TTC12: variants seen among roughly 807,000 people sequenced by gnomAD.
TTC12 encodes tetratricopeptide repeat domain 12.
In TTC12, 70 loss-of-function variants were observed where a neutral mutation model predicts 90.1. That is an observed-to-expected ratio of 0.78 (90% CI 0.64 to 0.95). The LOEUF is 0.95. Among genes scored for constraint, TTC12 ranks in the 40% least tolerant of loss-of-function variants. The pLI, the probability that TTC12 is intolerant of heterozygous loss-of-function variation, is 0.00. For missense variants in TTC12, 819 were observed against 846.1 expected, an observed-to-expected ratio of 0.97 and a Z score of 0.40; for synonymous variants, 296 against 311.5, an observed-to-expected ratio of 0.95 and a Z score of 0.53.
At position 113,352,212 on chromosome 11, in the gene TTC12, G is replaced by A; in HGVS notation, c.1446+5G>A. On this transcript the variant is annotated splice_donor_5th_base_variant and intron_variant, in intron 16 of 21. Transcript: ENST00000529221. ...GATGGCTGCTTGAGCCTCCTGGTAT[G>A]TTAGCTTTTCTATTCAAAATTGGTC... 1 of 1,614,196 alleles carries A rather than the reference G, an allele frequency of 6.2e-7. No homozygotes were observed. Among genetic ancestry groups the A allele is most frequent in the Non-Finnish European group, 8.5e-7 (1 of 1,180,014 alleles).
At chr11:113,340,623 A>T (rs782306962) in intron 10 of TTC12, 41 bp from the exon 11 acceptor site, 1 of 1,538,048 alleles carries the variant, frequency 6.5e-7, no homozygotes, top group Admixed American at 1.7e-5. Context: ...CCAGCCAGCC[A>T]GTTTGGGAGT....
At position 113,344,353 on chromosome 11, in the gene TTC12, T is replaced by C. The variant is rs1948834632; in HGVS notation, c.1067T>C (p.Ile356Thr). 1 of 1,614,206 alleles carries C rather than the reference T, an allele frequency of 6.2e-7. No individual in the cohort carries two copies. Among genetic ancestry groups the C allele is most frequent in the South Asian group, 1.1e-5 (1 of 91,082 alleles). Reference protein sequence around the residue: ...AALLSSKVLAIRQQSFALLLH... With the variant: ...AALLSSKVLATRQQSFALLLH... ...CTCTTGTCCTCCAAGGTCCTGGCCA[T>C]CCGGCAGCAGAGCTTTGCCCTGCTG... The change falls in exon 13 of 22, where the codon ATC becomes ACC. Residue 356 changes from isoleucine (I) to threonine (T), a missense_variant. Transcript: ENST00000529221.
rs782253711 is a variant in TTC12, at chr11:113,344,403, G to A, written c.1117G>A (p.Gly373Arg). ...GCTGCATCTCGCCCAGACTGAGAGCGGACGGAGCCTGATCATCAACCACCT... is the reference window on the plus strand; with the variant it reads ...GCTGCATCTCGCCCAGACTGAGAGCAGACGGAGCCTGATCATCAACCACCT... ...LLLHLAQTES[G>R]RSLIINHLDL... Residue 373 changes from glycine to arginine, a missense_variant, in exon 13 of 22, where the codon GGA becomes AGA. Transcript: ENST00000529221. 1.5e-5 allele frequency: 24 copies of A among 1,614,084 alleles called. No individual in the cohort carries two copies. The highest frequency in any genetic ancestry group is 1.6e-4 in the Middle Eastern group (1 of 6,062).
At chr11:113,365,981 T>C (rs1389424274) in intron 21 of TTC12, among the ~76,000 whole-genome samples, 1 of 152,230 alleles carries the variant, frequency 6.6e-6, no homozygotes, top group Non-Finnish European at 1.5e-5. Context: ...AGGTCCTGTC[T>C]GATCAGCCTG....
At position 113,362,511 on chromosome 11, in the gene TTC12, A is replaced by T; in HGVS notation, c.1716+9A>T. ...TGATGAAATTCCTGAAGGTAAGATC[A>T]CTTTATTGGTTACAACCCCTGAAAT... On this transcript the variant is annotated intron_variant, in intron 19 of 21. Transcript: ENST00000529221. The T allele has an allele frequency of 6.4e-7, 1 of 1,569,526 alleles. No individual in the cohort carries two copies. Among genetic ancestry groups the T allele is most frequent in the Non-Finnish European group, 8.8e-7 (1 of 1,139,342 alleles).
intron 7 of TTC12, among the ~76,000 whole-genome samples, chr11:113,331,370 A>G (rs1011281666): frequency 2.0e-5 from 3 of 152,222 alleles, no homozygotes; most frequent in Admixed American, 6.5e-5. Flanking sequence ...TAATAACAGC[A>G]AACAACATCA....
rs782056802 is a variant in TTC12, at chr11:113,359,352, T to C, written c.1447-11T>C. On this transcript the variant is annotated splice_polypyrimidine_tract_variant and intron_variant, in intron 16 of 21. Coordinates refer to ENST00000529221, the MANE Select transcript of TTC12 (RefSeq NM_017868.4). ...AAAAAGGTCATTGGTTACCTTGTTT[T>C]GTTTCCCAAGGCCAGGTGTGAGGAG... 5.9e-5 allele frequency: 93 copies of C among 1,589,042 alleles called. No individual in the cohort carries two copies. The highest frequency in any genetic ancestry group is 7.7e-5 in the Non-Finnish European group (89 of 1,159,760).
intron 13 of TTC12, among the ~76,000 whole-genome samples, chr11:113,346,697 T>C (rs1306385817): frequency 2.3e-5 from 3 of 130,782 alleles, no homozygotes; most frequent in Admixed American, 8.7e-5. Flanking sequence ...TTAGGAAGAA[T>C]AGAAGGGAAT....
At chr11:113,338,432 T>C (rs1948495966) in intron 8 of TTC12, among the ~76,000 whole-genome samples, 1 of 152,234 alleles carries the variant, frequency 6.6e-6, no homozygotes, top group Admixed American at 6.5e-5. Flanking sequence ...GACAGCCTCC[T>C]TTCTCAGTGC....
chr11:113,352,744 G>A (rs1949381511), intron 16 of TTC12, among the ~76,000 whole-genome samples: 1 of 152,138 alleles, frequency 6.6e-6, no homozygotes, highest in Admixed American at 6.5e-5. Flanking sequence ...AAGGATAATA[G>A]CCTCTAGCTC....
intron 18 of TTC12, 122 bp downstream of exon 18, chr11:113,360,130 T>C (rs1213805447): frequency 1.5e-6 from 1 of 672,708 alleles, no homozygotes; most frequent in Non-Finnish European, 2.6e-6. Context: ...CTGCTGACTC[T>C]GAGATATGGT....
chr11:113,366,349 G>GTGTT lies in TTC12; in HGVS notation c.*50_*53dup, dbSNP rs1565635323. 1 of 1,609,444 alleles carries GTGTT rather than the reference G, an allele frequency of 6.2e-7. No individual in the cohort carries two copies. Among genetic ancestry groups the GTGTT allele is most frequent in the South Asian group, 1.1e-5 (1 of 91,002 alleles). ...TGGGGAACACACAGATGCACACCGTGTGTTGTTCCTATGCTAATAAAGACC... is the reference window on the plus strand; with the variant it reads ...TGGGGAACACACAGATGCACACCGTGTGTTTGTTGTTCCTATGCTAATAAAGACC... On this transcript the variant is annotated 3_prime_UTR_variant, in exon 22 of 22. Transcript: ENST00000529221.
intron 2 of TTC12, among the ~76,000 whole-genome samples, chr11:113,321,036 A>G (rs1288704436): frequency 1.3e-5 from 2 of 152,220 alleles, no homozygotes; most frequent in African/African-American, 4.8e-5. Flanking sequence ...TTTTTAAAAA[A>G]GAAATTATAT....
intron 8 of TTC12, among the ~76,000 whole-genome samples, chr11:113,337,532 C>T (rs1031133620): frequency 2.6e-5 from 4 of 151,988 alleles, no homozygotes; most frequent in Non-Finnish European, 5.9e-5. Context: ...ATGCAGCCAG[C>T]AAGAGGAGAG....
At chr11:113,356,236 T>A (rs922120959) in intron 16 of TTC12, among the ~76,000 whole-genome samples, 45 of 152,256 alleles carry the variant, frequency 3.0e-4, no homozygotes, top group Admixed American at 4.6e-4. Flanking sequence ...TTAAAGCCTG[T>A]TTCATCTAAA....
At chr11:113,341,179 G>A (rs1014527285) in intron 11 of TTC12, among the ~76,000 whole-genome samples, 4 of 152,132 alleles carry the variant, frequency 2.6e-5, no homozygotes, top group Admixed American at 2.6e-4. Flanking sequence ...GCAGTGAGCC[G>A]AGATCACGCC....
chr11:113,346,913 C>G (rs1949002242), intron 13 of TTC12, among the ~76,000 whole-genome samples: 1 of 152,118 alleles, frequency 6.6e-6, no homozygotes, highest in South Asian at 2.1e-4. Context: ...ATTTTCTCAC[C>G]TGTGGTTCAC....
chr11:113,317,737 G>A (rs781900689), intron 2 of TTC12, among the ~76,000 whole-genome samples: 7 of 151,928 alleles, frequency 4.6e-5, no homozygotes, highest in Non-Finnish European at 8.8e-5. Context: ...CTGATACTTC[G>A]CCACACATAC....
intron 10 of TTC12, among the ~76,000 whole-genome samples, chr11:113,340,137 A>G (rs572218879): frequency 3.9e-5 from 6 of 152,328 alleles, no homozygotes; most frequent in South Asian, 2.1e-4. Context: ...TCTTGTAAAC[A>G]TTGTTACCAA....
Sources: gnomAD v4.1 joint callset for allele counts (sites outside exome capture counted in the v4.1 genomes callset) on GRCh38, gnomAD v4.1.1 for gene constraint, MANE v1.5 for transcripts, NCBI Gene and HGNC (gene_info 2026-07-23, HGNC 2026-07-21) for gene names.